The following CNTLN variants were observed in gnomAD, a reference collection of about 807,000 sequenced individuals.
CNTLN encodes centlein.
In CNTLN, 212 loss-of-function variants were observed where a neutral mutation model predicts 180.0. The observed-to-expected ratio is 1.18, with a 90% confidence interval of 1.05 to 1.32. The LOEUF is 1.32. Among genes scored for constraint, CNTLN ranks in the 40% most tolerant of loss-of-function variants. CNTLN has a pLI of 0.00. For synonymous variants in CNTLN, 722 were observed against 563.1 expected (o/e 1.28, Z -3.99); for missense variants, 2,095 against 1,610.9 (o/e 1.30, Z -5.14).
At chr9:17,226,565 CATT>C (rs1310623894) in intron 3 of CNTLN, among the ~76,000 whole-genome samples, 2 of 151,878 alleles carry the variant, frequency 1.3e-5, no homozygotes, top group Non-Finnish European at 2.9e-5. Context: ...TGAATTTTGA[CATT>C]ATTAGCAGTT....
In CNTLN at chr9:17,135,490, C is replaced by T. The variant is rs1817646976; in HGVS notation, c.360+65C>T. On this transcript the variant is annotated intron_variant, in intron 1 of 25. Coordinates refer to ENST00000380647, the MANE Select transcript of CNTLN (RefSeq NM_017738.4). Reference sequence around the variant, plus strand: ...CGGGGCCGGGACCCGTGGGGAGGCGCGCCTTTCTCCCTCTGCCTTGGGACC... The same window carrying T: ...CGGGGCCGGGACCCGTGGGGAGGCGTGCCTTTCTCCCTCTGCCTTGGGACC... 7.3e-6 allele frequency: 11 copies of T among 1,515,854 alleles called. No homozygotes were observed. The South Asian group carries it at 1.4e-4, about 19-fold the overall frequency. 93.9% of individuals were successfully genotyped at this position (1,515,854 alleles called of 1,614,324 possible). A position where few individuals can be genotyped will look rare whatever the true frequency, so the allele number is the denominator to read the frequency against.
intron 18 of CNTLN, among the ~76,000 whole-genome samples, chr9:17,456,676 T>C (rs1195063151): frequency 6.6e-6 from 1 of 152,160 alleles, no homozygotes; most frequent in East Asian, 1.9e-4. Context: ...TATCATTTTG[T>C]CTAATTGTAC....
intron 15 of CNTLN, among the ~76,000 whole-genome samples, chr9:17,399,317 C>T (rs1826784174): frequency 6.6e-6 from 1 of 152,038 alleles, no homozygotes; most frequent in African/African-American, 2.4e-5. Context: ...TCATTTTTTT[C>T]CATCCCTACA....
intron 2 of CNTLN, among the ~76,000 whole-genome samples, chr9:17,176,966 T>A (rs1377427447): frequency 6.6e-6 from 1 of 152,218 alleles, no homozygotes; most frequent in African/African-American, 2.4e-5. Flanking sequence ...CCTATTTTTT[T>A]CCCTTGTCAG....
intron 5 of CNTLN, among the ~76,000 whole-genome samples, chr9:17,265,055 TG>T (rs1436820364): frequency 6.8e-6 from 1 of 146,612 alleles, no homozygotes; most frequent in Non-Finnish European, 1.5e-5. Context: ...CTAATTGCCC[TG>T]GCCAGAACTT....
intron 14 of CNTLN, among the ~76,000 whole-genome samples, chr9:17,389,091 T>C (rs1025558883): frequency 6.6e-6 from 1 of 152,044 alleles, no homozygotes; most frequent in East Asian, 1.9e-4. Context: ...TAGTAACTTA[T>C]ATATTGTTGC....
At chr9:17,171,930 G>T (rs1189192556) in intron 2 of CNTLN, among the ~76,000 whole-genome samples, 1 of 152,126 alleles carries the variant, frequency 6.6e-6, no homozygotes, top group East Asian at 1.9e-4. Flanking sequence ...GGTCCATAGT[G>T]CAGTTGTGTG....
At chr9:17,454,674 G>A (rs562808733) in intron 18 of CNTLN, among the ~76,000 whole-genome samples, 3 of 152,256 alleles carry the variant, frequency 2.0e-5, no homozygotes, top group East Asian at 1.9e-4. Context: ...CATCTACTAC[G>A]TGCAATCACA....
At chr9:17,429,976 C>T (rs1829319155) in intron 18 of CNTLN, among the ~76,000 whole-genome samples, 1 of 151,968 alleles carries the variant, frequency 6.6e-6, no homozygotes, top group South Asian at 2.1e-4. Flanking sequence ...ATTTCAACTT[C>T]AGAATATGGC....
chr9:17,172,190 G>A (rs1251837924), intron 2 of CNTLN, among the ~76,000 whole-genome samples: 1 of 151,620 alleles, frequency 6.6e-6, no homozygotes, highest in African/African-American at 2.4e-5. Flanking sequence ...TGAGGAGCAG[G>A]TTGCTGGAGT....
In CNTLN at chr9:17,156,321, A is replaced by C. The variant is rs570459427; in HGVS notation, c.449+12945A>C. 4.6e-5 allele frequency among the ~76,000 whole-genome samples: 7 copies of C among 152,322 alleles called. No homozygotes were observed. The South Asian group carries it at 1.4e-3, about 32-fold the overall frequency. ...GGTGTTTTAACAGAACCATCGTATC[A>C]TCATCATGCTTTGAATTCTATAATT... On this transcript the variant is annotated intron_variant, in intron 2 of 25. Transcript: ENST00000380647.
chr9:17,458,387 C>T (rs1255590981), intron 19 of CNTLN, among the ~76,000 whole-genome samples: 1 of 151,944 alleles, frequency 6.6e-6, no homozygotes, highest in Non-Finnish European at 1.5e-5. Context: ...TTATTCCTCA[C>T]ATATTTAATT....
chr9:17,344,823 T>C (rs114905895), intron 12 of CNTLN, among the ~76,000 whole-genome samples: 2,052 of 152,278 alleles, frequency 0.013, 47 homozygotes, highest in African/African-American at 0.047. Context: ...TTTGAGTAAC[T>C]ACCACTACAA....
intron 18 of CNTLN, among the ~76,000 whole-genome samples, chr9:17,430,492 A>C (rs989604278): frequency 1.3e-5 from 2 of 152,006 alleles, no homozygotes; most frequent in Admixed American, 1.3e-4. Context: ...TGTGAATTGT[A>C]TGCATTGTGT....
rs191409155 is a variant in CNTLN at position 17,275,787 on chromosome 9, G to A, written c.983+1921G>A. On this transcript the variant is annotated intron_variant, in intron 6 of 25. Transcript: ENST00000380647. Reference sequence around the variant, plus strand: ...TGCATGCACTTTTTCTTATACAATAGTAAAAGAATAATAGCTAGTGGGCCA... The same window carrying A: ...TGCATGCACTTTTTCTTATACAATAATAAAAGAATAATAGCTAGTGGGCCA... Among the ~76,000 whole-genome samples, 6 of 152,198 alleles carry A rather than the reference G, an allele frequency of 3.9e-5. 1 individual carries two copies. In the East Asian group the frequency reaches 1.2e-3, roughly 29 times the overall value.
intron 2 of CNTLN, among the ~76,000 whole-genome samples, chr9:17,163,438 C>A (rs1382464708): frequency 6.6e-6 from 1 of 152,190 alleles, no homozygotes; most frequent in Non-Finnish European, 1.5e-5. Flanking sequence ...CATTAGATAT[C>A]ATTGGCAAAT....
chr9:17,472,716 G>T (rs1235170457), intron 23 of CNTLN, among the ~76,000 whole-genome samples: 1 of 152,080 alleles, frequency 6.6e-6, no homozygotes, highest in East Asian at 1.9e-4. Context: ...GTGAAAAATT[G>T]TCATTTTTCT....
chr9:17,195,642 C>A (rs552344808), intron 2 of CNTLN, among the ~76,000 whole-genome samples: 105 of 152,266 alleles, frequency 6.9e-4, no homozygotes, highest in Non-Finnish European at 3.4e-4. Context: ...ATGTGCCCAG[C>A]ATTCTGCCAG....
chr9:17,466,043 A>G lies in CNTLN; in HGVS notation c.3594A>G (p.Arg1198=), dbSNP rs1831726832. The G allele has an allele frequency of 6.2e-7, 1 of 1,604,200 alleles. No individual in the cohort carries two copies. The highest frequency in any genetic ancestry group is 8.5e-7 in the Non-Finnish European group (1 of 1,172,624). The change falls in exon 22 of 26, where the codon AGA becomes AGG. Residue 1198 remains arginine, a synonymous_variant. Coordinates refer to ENST00000380647, the MANE Select transcript of CNTLN (RefSeq NM_017738.4). ...TATCAATTGATTCACTAAAGCAAAG[A>G]CTTAACGTTGCTGTAAAAGAAAAGT... ...KKVSIDSLKQ[R]LNVAVKEKSQ... is the part of the protein sequence containing the mutation.
Sources: gnomAD v4.1 joint callset for allele counts (sites outside exome capture counted in the v4.1 genomes callset) on GRCh38, gnomAD v4.1.1 for gene constraint, MANE v1.5 for transcripts, NCBI Gene and HGNC (gene_info 2026-07-23, HGNC 2026-07-21) for gene names.